The following PMS1 variants were observed in gnomAD, a reference collection of about 807,000 sequenced individuals.
PMS1 encodes PMS1 homolog 1, mismatch repair system component, also known as PMS1 protein homolog 1.
A neutral mutation model predicts 93.1 loss-of-function variants in PMS1; 79 were observed. The observed-to-expected ratio is 0.85, with a 90% CI of 0.71 to 1.02. The LOEUF is 1.02. PMS1 is among the 50% of genes least tolerant of loss of function. The pLI, the probability that PMS1 is intolerant of heterozygous loss-of-function variation, is 0.00. For missense variants in PMS1, 1,064 were observed against 1,085.3 expected (o/e 0.98, Z 0.28); for synonymous variants, 335 against 363.4 (o/e 0.92, Z 0.89).
At position 189,795,906 on chromosome 2, in the gene PMS1, C is replaced by T. The variant is rs149723996; in HGVS notation, c.270C>T (p.Tyr90=). ...AAGATCTTGAAAATTTGACAACTTA[C>T]GGTTTTCGTGGAGAAGCCTTGGGGT... ...SHEDLENLTT[Y]GFRGEALGSI... Residue 90 remains tyrosine, a synonymous_variant, in exon 3 of 13, where the codon TAC becomes TAT. Coordinates refer to ENST00000441310, the MANE Select transcript of PMS1 (RefSeq NM_000534.5). 216 of 1,613,328 alleles carry T rather than the reference C, an allele frequency of 1.3e-4. No homozygotes were observed. The highest frequency in any genetic ancestry group is 1.6e-4 in the Non-Finnish European group (183 of 1,179,466).
At chr2:189,791,259 A>G (rs1421356366) in intron 1 of PMS1, among the ~76,000 whole-genome samples, 1 of 152,146 alleles carries the variant, frequency 6.6e-6, no homozygotes, top group African/African-American at 2.4e-5. Context: ...TAATTTCTTT[A>G]TGCCTTAGTA....
intron 9 of PMS1, 31 bp downstream of exon 9, chr2:189,855,159 A>G: frequency 1.9e-6 from 3 of 1,574,456 alleles, no homozygotes; most frequent in Non-Finnish European, 8.7e-7. Flanking sequence ...TGTGACTTGA[A>G]TGTTCAGCTA....
chr2:189,805,348 T>A (rs951038037), intron 3 of PMS1, among the ~76,000 whole-genome samples: 17 of 152,188 alleles, frequency 1.1e-4, no homozygotes, highest in African/African-American at 4.1e-4. Flanking sequence ...TACTTGCTTT[T>A]ACAGACATAA....
chr2:189,822,637 AG>A (rs2052031824), intron 5 of PMS1, among the ~76,000 whole-genome samples: 3 of 152,224 alleles, frequency 2.0e-5, no homozygotes, highest in Non-Finnish European at 2.9e-5. Flanking sequence ...TCCTGTGCTA[AG>A]AGAGTAAGAG....
chr2:189,824,593 A>G (rs955282828), intron 5 of PMS1, among the ~76,000 whole-genome samples: 2 of 152,198 alleles, frequency 1.3e-5, no homozygotes, highest in Admixed American at 1.3e-4. Flanking sequence ...TTTAGCAAAC[A>G]CAAGTTCCTC....
intron 5 of PMS1, among the ~76,000 whole-genome samples, chr2:189,835,865 T>C (rs1167749076): frequency 6.9e-6 from 1 of 144,102 alleles, no homozygotes; most frequent in Non-Finnish European, 1.5e-5. Flanking sequence ...AGGCTGAGGC[T>C]GCTGTCAACT....
rs1432200292 is a variant in PMS1, at chr2:189,863,816, C to A, written c.1930C>A (p.Gln644Lys). The change falls in exon 10 of 13, where the codon CAA becomes AAA. Residue 644 changes from glutamine to lysine, a missense_variant. Coordinates refer to ENST00000441310, the MANE Select transcript of PMS1 (RefSeq NM_000534.5). ...QMKRAIEQES[Q>K]MSLKDGRKKI... ...GAAGAGAGCCATTGAACAGGAGTCA[C>A]AAATGTCACTAAAAGATGGCAGAAA... 1.2e-6 allele frequency: 2 copies of A among 1,613,744 alleles called. No individual in the cohort carries two copies. Among genetic ancestry groups the A allele is most frequent in the South Asian group, 1.1e-5 (1 of 91,052 alleles).
At chr2:189,802,888 T>G (rs561784211) in intron 3 of PMS1, among the ~76,000 whole-genome samples, 1 of 152,310 alleles carries the variant, frequency 6.6e-6, no homozygotes, top group Non-Finnish European at 1.5e-5. Flanking sequence ...ACTTCCTAAA[T>G]GCAGCTTCAT....
At chr2:189,819,108 G>A (rs946580344) in intron 5 of PMS1, among the ~76,000 whole-genome samples, 4 of 152,148 alleles carry the variant, frequency 2.6e-5, no homozygotes, top group Non-Finnish European at 4.4e-5. Context: ...GTCCATACAT[G>A]TGGTTTAGCT....
intron 4 of PMS1, among the ~76,000 whole-genome samples, chr2:189,813,204 T>C (rs2050990790): frequency 6.6e-6 from 1 of 152,202 alleles, no homozygotes; most frequent in African/African-American, 2.4e-5. Flanking sequence ...GAATCAATTC[T>C]TTCTGTAGTA....
intron 5 of PMS1, among the ~76,000 whole-genome samples, chr2:189,818,984 A>G (rs550802413): frequency 3.5e-4 from 53 of 152,324 alleles, no homozygotes; most frequent in South Asian, 8.3e-4. Context: ...CAGAGCTTTT[A>G]GTATATCCAT....
chr2:189,823,748 A>G (rs748194405), intron 5 of PMS1, among the ~76,000 whole-genome samples: 3 of 152,198 alleles, frequency 2.0e-5, no homozygotes, highest in Non-Finnish European at 4.4e-5. Context: ...TTTCCCACAT[A>G]TAAAGTATTT....
intron 5 of PMS1, among the ~76,000 whole-genome samples, chr2:189,838,219 A>G (rs2053547664): frequency 6.6e-6 from 1 of 152,212 alleles, no homozygotes; most frequent in South Asian, 2.1e-4. Flanking sequence ...GGATTTCCTT[A>G]GGTCAAGTAG....
At chr2:189,810,670 T>G (rs1336435318) in intron 4 of PMS1, among the ~76,000 whole-genome samples, 1 of 152,148 alleles carries the variant, frequency 6.6e-6, no homozygotes, top group Admixed American at 6.5e-5. Context: ...CTTAAAACCT[T>G]GCTAGAGAAA....
At chr2:189,793,976 G>A (rs771594377) in intron 2 of PMS1, among the ~76,000 whole-genome samples, 11 of 151,686 alleles carry the variant, frequency 7.3e-5, no homozygotes, top group Non-Finnish European at 1.5e-4. Flanking sequence ...GGCTGGTCTC[G>A]AACTGCTGAC....
intron 2 of PMS1, 67 bp downstream of exon 2, chr2:189,792,008 T>G: frequency 7.4e-7 from 1 of 1,349,982 alleles, no homozygotes. Context: ...TGTTTTCTCC[T>G]TAAACTGTTA....
chr2:189,822,322 AC>A (rs2106341563), intron 5 of PMS1, among the ~76,000 whole-genome samples: 1 of 152,292 alleles, frequency 6.6e-6, no homozygotes, highest in Non-Finnish European at 1.5e-5. Flanking sequence ...CTTATGTTTG[AC>A]CCAAGTCTAC....
chr2:189,863,513 T>C (rs55791991), intron 9 of PMS1, among the ~76,000 whole-genome samples: 246 of 152,224 alleles, frequency 1.6e-3, no homozygotes, highest in African/African-American at 5.8e-3. Flanking sequence ...CTCAGCCTCC[T>C]AAAATGCTGG....
chr2:189,861,423 T>C (rs567714135), intron 9 of PMS1, among the ~76,000 whole-genome samples: 1 of 150,744 alleles, frequency 6.6e-6, no homozygotes, highest in Non-Finnish European at 1.5e-5. Flanking sequence ...TTTAATGATA[T>C]AGCCAAATTC....
Sources: allele counts gnomAD v4.1 joint callset (sites outside exome capture counted in the v4.1 genomes callset), GRCh38; gene constraint gnomAD v4.1.1; transcripts MANE v1.5; gene names NCBI Gene and HGNC (gene_info 2026-07-23, HGNC 2026-07-21).